PDE3A: variants seen among roughly 807,000 people sequenced by gnomAD.
PDE3A encodes the protein phosphodiesterase 3A.
A neutral mutation model predicts 98.3 loss-of-function variants in PDE3A; 43 were observed. The observed-to-expected ratio is 0.44, with a 90% CI of 0.34 to 0.56. The LOEUF is 0.56. Among genes scored for constraint, PDE3A ranks in the 20% least tolerant of loss-of-function variants. The pLI, the probability that PDE3A is intolerant of heterozygous loss-of-function variation, is 0.01. For missense variants in PDE3A, 1,427 were observed against 1,440.7 expected (o/e 0.99, Z 0.15); for synonymous variants, 663 against 567.9 (o/e 1.17, Z -2.38).
intron 1 of PDE3A, among the ~76,000 whole-genome samples, chr12:20,436,301 G>C (rs1397545126): frequency 6.6e-6 from 1 of 152,000 alleles, no homozygotes; most frequent in Non-Finnish European, 1.5e-5. Flanking sequence ...GGAGAACGGG[G>C]GATTGGGTGG....
chr12:20,461,283 T>G (rs1322550796), intron 1 of PDE3A, among the ~76,000 whole-genome samples: 1 of 146,702 alleles, frequency 6.8e-6, no homozygotes, highest in Non-Finnish European at 1.5e-5. Context: ...TTGAAAGAGA[T>G]AGCATTGTCT....
chr12:20,368,907 C>T lies in PDE3A; in HGVS notation c.-378C>T, dbSNP rs901135994. Among the ~76,000 whole-genome samples the T allele has an allele frequency of 1.3e-5, 2 of 151,180 alleles. No individual in the cohort carries two copies. Among genetic ancestry groups the T allele is most frequent in the Non-Finnish European group, 2.9e-5 (2 of 67,834 alleles). On this transcript the variant is annotated 5_prime_UTR_variant, in exon 1 of 16. It introduces an in-frame stop codon into an upstream open reading frame of the 5' UTR. Coordinates refer to ENST00000359062, the MANE Select transcript of PDE3A (RefSeq NM_000921.5). Reference sequence around the variant, plus strand: ...GCTCCTGCGCGCGGGATGCATTGGGCAATTTTTGAAATCCTGAAGTAGGAA... The same window carrying T: ...GCTCCTGCGCGCGGGATGCATTGGGTAATTTTTGAAATCCTGAAGTAGGAA...
intron 2 of PDE3A, among the ~76,000 whole-genome samples, chr12:20,593,050 A>G (rs1256898134): frequency 6.6e-6 from 1 of 152,226 alleles, no homozygotes; most frequent in Non-Finnish European, 1.5e-5. Flanking sequence ...TAGCAATACA[A>G]CAATATCATA....
chr12:20,520,370 C>A (rs962839137), intron 1 of PDE3A, among the ~76,000 whole-genome samples: 17 of 152,140 alleles, frequency 1.1e-4, no homozygotes, highest in African/African-American at 4.1e-4. Context: ...AATTATTTGA[C>A]TTGAATTTCC....
At chr12:20,381,745 C>T (rs1943667263) in intron 1 of PDE3A, among the ~76,000 whole-genome samples, 1 of 151,802 alleles carries the variant, frequency 6.6e-6, no homozygotes, top group East Asian at 1.9e-4. Flanking sequence ...TCTTATATGA[C>T]CAGAATTGAT....
rs1943394204 is a variant in PDE3A at position 20,368,732 on chromosome 12, AAG to A, written c.-550_-549del. 6.6e-6 allele frequency among the ~76,000 whole-genome samples: 1 copy of A among 151,912 alleles called. No individual in the cohort carries two copies. The highest frequency in any genetic ancestry group is 1.5e-5 in the Non-Finnish European group (1 of 67,950). ...GGGGAGAATCGGCCGAGGAGAAAGA[AAG>A]AGTGATAGAAAAAGAGCTGCAGGAA... On this transcript the variant is annotated 5_prime_UTR_variant, in exon 1 of 16. An upstream open reading frame in the 5' UTR loses its in-frame stop. Transcript: ENST00000359062.
At chr12:20,526,665 T>C (rs1565577925) in intron 1 of PDE3A, among the ~76,000 whole-genome samples, 2 of 152,034 alleles carry the variant, frequency 1.3e-5, no homozygotes, top group South Asian at 2.1e-4. Context: ...ATTCAGTTTT[T>C]GAAAAGTGAA....
chr12:20,506,782 T>C (rs892733313), intron 1 of PDE3A, among the ~76,000 whole-genome samples: 1 of 152,030 alleles, frequency 6.6e-6, no homozygotes, highest in African/African-American at 2.4e-5. Context: ...CTATTTGTTT[T>C]TGAAAAATTA....
intron 14 of PDE3A, among the ~76,000 whole-genome samples, chr12:20,651,666 T>C (rs1447241590): frequency 6.6e-6 from 1 of 152,202 alleles, no homozygotes; most frequent in Non-Finnish European, 1.5e-5. Flanking sequence ...TGAGACACCA[T>C]ATTAATGGTA....
intron 1 of PDE3A, among the ~76,000 whole-genome samples, chr12:20,460,001 G>A (rs1945219759): frequency 6.6e-6 from 1 of 152,200 alleles, no homozygotes; most frequent in African/African-American, 2.4e-5. Flanking sequence ...TGCCATTGTG[G>A]CATAGCAGTC....
At chr12:20,656,879 T>A (rs1055537231) in intron 15 of PDE3A, among the ~76,000 whole-genome samples, 1 of 152,224 alleles carries the variant, frequency 6.6e-6, no homozygotes, top group East Asian at 1.9e-4. Context: ...CTTGTCAACC[T>A]AGCCTTTAGC....
chr12:20,381,801 T>G (rs2120547298), intron 1 of PDE3A, among the ~76,000 whole-genome samples: 1 of 152,074 alleles, frequency 6.6e-6, no homozygotes, highest in South Asian at 2.1e-4. Context: ...CTCTGAACTT[T>G]CTCTATTTTA....
chr12:20,672,393 A>G (rs1421330954), intron 15 of PDE3A, among the ~76,000 whole-genome samples: 4 of 77,892 alleles, frequency 5.1e-5, no homozygotes, highest in African/African-American at 2.1e-4. Context: ...TCGCCAAGTC[A>G]ATCCTAAGCC....
chr12:20,426,005 C>T (rs11045236), intron 1 of PDE3A, among the ~76,000 whole-genome samples: 31,486 of 151,946 alleles, frequency 0.21, 3,417 homozygotes, highest in Non-Finnish European at 0.22. Flanking sequence ...AAAATTATTT[C>T]GAGCTCTTAG....
At chr12:20,418,028 C>G (rs1421570954) in intron 1 of PDE3A, among the ~76,000 whole-genome samples, 1 of 151,980 alleles carries the variant, frequency 6.6e-6, no homozygotes, top group East Asian at 1.9e-4. Flanking sequence ...TTCTCCATAT[C>G]ACTGAGCTAT....
At chr12:20,452,291 G>C (rs1264912263) in intron 1 of PDE3A, among the ~76,000 whole-genome samples, 1 of 152,186 alleles carries the variant, frequency 6.6e-6, no homozygotes, top group Admixed American at 6.5e-5. Context: ...TACCTAATGA[G>C]TGTAAGTGAA....
intron 5 of PDE3A, among the ~76,000 whole-genome samples, chr12:20,628,140 GT>G (rs1220678555): frequency 6.6e-6 from 1 of 152,038 alleles, no homozygotes; most frequent in African/African-American, 2.4e-5. Context: ...TAAAAATTGA[GT>G]TTTTTCTAGA....
rs1592189946 is a variant in PDE3A at position 20,684,813 on chromosome 12, A to G, written c.*4542A>G. ...TCATCTGGAAGATATTCAAATTCTTATTGGGAATGAATTACACTACAAACA... is the reference window on the plus strand; with the variant it reads ...TCATCTGGAAGATATTCAAATTCTTGTTGGGAATGAATTACACTACAAACA... On this transcript the variant is annotated 3_prime_UTR_variant, in exon 16 of 16. Transcript: ENST00000359062. Among the ~76,000 whole-genome samples, 3 of 152,348 alleles carry G rather than the reference A, an allele frequency of 2.0e-5. No individual in the cohort carries two copies. The South Asian group carries it at 6.2e-4, about 32-fold the overall frequency.
chr12:20,481,092 T>A (rs1319645328), intron 1 of PDE3A, among the ~76,000 whole-genome samples: 1 of 152,140 alleles, frequency 6.6e-6, no homozygotes, highest in Non-Finnish European at 1.5e-5. Flanking sequence ...CCAAAAATAA[T>A]GTTGTTGTTT....
Sources: gnomAD v4.1 joint callset for allele counts (sites outside exome capture counted in the v4.1 genomes callset) on GRCh38, gnomAD v4.1.1 for gene constraint, MANE v1.5 for transcripts, NCBI Gene and HGNC (gene_info 2026-07-23, HGNC 2026-07-21) for gene names.